Variants in SERGEF observed in about 807,000 individuals in gnomAD.
SERGEF encodes the protein secretion regulating guanine nucleotide exchange factor, also known as secretion-regulating guanine nucleotide exchange factor.
SERGEF carries 51 observed loss-of-function variants against 50.0 expected under a neutral mutation model. That is an observed-to-expected ratio of 1.02 (90% CI 0.81 to 1.29). SERGEF has a LOEUF of 1.29. SERGEF is among the 50% of genes most tolerant of loss of function. The pLI is 0.00. For missense variants in SERGEF, 521 were observed against 557.0 expected, an observed-to-expected ratio of 0.94 and a Z score of 0.65; for synonymous variants, 205 against 212.4, an observed-to-expected ratio of 0.97 and a Z score of 0.30.
chr11:17,975,172 G>A (rs1483499961), intron 8 of SERGEF, among the ~76,000 whole-genome samples: 1 of 152,210 alleles, frequency 6.6e-6, no homozygotes, highest in South Asian at 2.1e-4. Flanking sequence ...AATTCACATT[G>A]AGCGAAGCAA....
intron 10 of SERGEF, among the ~76,000 whole-genome samples, chr11:17,826,193 ATGC>A (rs1445028670): frequency 1.3e-5 from 2 of 152,258 alleles, no homozygotes; most frequent in Non-Finnish European, 2.9e-5. Context: ...CATAAGGTAG[ATGC>A]TATTCAAGAA....
chr11:18,004,298 G>T lies in SERGEF; in HGVS notation c.447+143C>A, dbSNP rs571731323. ...TTACCTCCCAACTTAATTTTTCCCA[G>T]AAGGACCTATTTTTCAACTCAAATT... On this transcript the variant is annotated intron_variant, in intron 4 of 10. Coordinates refer to ENST00000265965, the MANE Select transcript of SERGEF (RefSeq NM_012139.4). 5 of 549,762 alleles carry T rather than the reference G, an allele frequency of 9.1e-6. No individual in the cohort carries two copies. In the East Asian group the frequency reaches 1.2e-4, roughly 13 times the overall value. The allele number at this position is 549,762 out of a possible 1,614,324, so 34.1% of individuals were successfully genotyped here. A position where few individuals can be genotyped will look rare whatever the true frequency, so the allele number is the denominator to read the frequency against.
At chr11:17,894,980 G>C (rs1449370350) in intron 9 of SERGEF, among the ~76,000 whole-genome samples, 1 of 152,122 alleles carries the variant, frequency 6.6e-6, no homozygotes, top group African/African-American at 2.4e-5. Flanking sequence ...TAGTGTATGG[G>C]GAAAGGCAGC....
At chr11:17,804,536 G>A (rs79018844) in intron 10 of SERGEF, among the ~76,000 whole-genome samples, 2,889 of 149,692 alleles carry the variant, frequency 0.019, 86 homozygotes, top group African/African-American at 0.066. Flanking sequence ...CCTTCTTTAC[G>A]CCAAGTATTT....
intron 10 of SERGEF, among the ~76,000 whole-genome samples, chr11:17,794,945 G>A (rs1016296131): frequency 6.6e-6 from 1 of 152,232 alleles, no homozygotes; most frequent in African/African-American, 2.4e-5. Flanking sequence ...CCTGAGCCCT[G>A]TGAGCGCTGG....
At chr11:17,938,039 C>T (rs1003967059) in intron 9 of SERGEF, among the ~76,000 whole-genome samples, 1 of 152,184 alleles carries the variant, frequency 6.6e-6, no homozygotes, top group South Asian at 2.1e-4. Context: ...ACCAGCTTGG[C>T]CACTATGCCA....
intron 9 of SERGEF, among the ~76,000 whole-genome samples, chr11:17,938,498 A>G (rs1031228358): frequency 9.2e-5 from 14 of 152,136 alleles, no homozygotes; most frequent in Admixed American, 3.9e-4. Context: ...CATGTGTTAC[A>G]TTACAGAATC....
chr11:17,954,780 T>G (rs1852833454), intron 9 of SERGEF, among the ~76,000 whole-genome samples: 1 of 152,228 alleles, frequency 6.6e-6, no homozygotes, highest in African/African-American at 2.4e-5. Context: ...ACCAGGAACA[T>G]GACTCAGGAC....
intron 10 of SERGEF, among the ~76,000 whole-genome samples, chr11:17,801,581 G>A (rs1218436276): frequency 6.6e-6 from 1 of 152,204 alleles, no homozygotes; most frequent in Admixed American, 6.5e-5. Context: ...GGATGGTAGT[G>A]CTATTTATGA....
intron 10 of SERGEF, among the ~76,000 whole-genome samples, chr11:17,849,099 T>A (rs550908763): frequency 6.6e-6 from 1 of 152,294 alleles, no homozygotes; most frequent in South Asian, 2.1e-4. Flanking sequence ...TGTACATGCA[T>A]AGGAGATGTG....
chr11:17,863,866 C>T (rs1051129586), intron 10 of SERGEF, among the ~76,000 whole-genome samples: 4 of 152,152 alleles, frequency 2.6e-5, no homozygotes, highest in African/African-American at 9.7e-5. Context: ...GCATGCATGG[C>T]AAGTATAGAT....
intron 10 of SERGEF, among the ~76,000 whole-genome samples, chr11:17,817,096 C>T (rs1334603038): frequency 2.0e-5 from 3 of 152,132 alleles, no homozygotes; most frequent in Non-Finnish European, 2.9e-5. Context: ...CATGTTTACA[C>T]AGCTGCTAGG....
chr11:17,873,661 T>TGGAGGAGGAGGAGGA (rs145195114), intron 10 of SERGEF, among the ~76,000 whole-genome samples: 21 of 148,248 alleles, frequency 1.4e-4, no homozygotes, highest in Middle Eastern at 3.5e-3. Flanking sequence ...TGGCTCTGCT[T>TGGAGGAGGAGGAGGA]GGAGGAGGAG....
intron 10 of SERGEF, among the ~76,000 whole-genome samples, chr11:17,808,292 AG>A (rs1270099383): frequency 6.6e-6 from 1 of 152,226 alleles, no homozygotes; most frequent in African/African-American, 2.4e-5. Flanking sequence ...ACAGTTCTGC[AG>A]GCTCTACAGG....
At chr11:17,827,405 A>G (rs1340325601) in intron 10 of SERGEF, among the ~76,000 whole-genome samples, 1 of 152,236 alleles carries the variant, frequency 6.6e-6, no homozygotes, top group East Asian at 1.9e-4. Context: ...TTCTCCCCAC[A>G]GTGTAGTCAC....
At chr11:17,802,551 T>C (rs941830714) in intron 10 of SERGEF, among the ~76,000 whole-genome samples, 5 of 152,204 alleles carry the variant, frequency 3.3e-5, no homozygotes, top group African/African-American at 9.6e-5. Context: ...TAAGGTCCTA[T>C]ACCATCTGAT....
chr11:17,993,720 T>A (rs1853769431), intron 6 of SERGEF, among the ~76,000 whole-genome samples: 1 of 152,184 alleles, frequency 6.6e-6, no homozygotes, highest in African/African-American at 2.4e-5. Flanking sequence ...TCAAGTGTCC[T>A]CTGGAATGAT....
At position 18,007,933 on chromosome 11, in the gene SERGEF, G is replaced by A. The variant is rs909933912; in HGVS notation, c.196+8C>T. ...AATGAGTGACTATCTACTTTTGAAG[G>A]AAATTACCTGTGACAACTGCAGAGT... On this transcript the variant is annotated splice_region_variant and intron_variant, in intron 2 of 10. Coordinates refer to ENST00000265965, the MANE Select transcript of SERGEF (RefSeq NM_012139.4). 4 of 1,608,876 alleles carry A rather than the reference G, an allele frequency of 2.5e-6. No homozygotes were observed. In the African/African-American group the frequency reaches 4.0e-5, roughly 16 times the overall value.
rs569792800 is a variant in SERGEF at position 17,793,312 on chromosome 11, G to GA, written c.1049-4900dup. On this transcript the variant is annotated intron_variant, in intron 10 of 10. Coordinates refer to ENST00000265965, the MANE Select transcript of SERGEF (RefSeq NM_012139.4). ...CCAAACACTTTAAACAAGCCTATAG[G>GA]AAAAAAAAAGCCAGGATGCTGAACT... Among the ~76,000 whole-genome samples, 42 of 151,222 alleles carry GA rather than the reference G, an allele frequency of 2.8e-4. 1 individual carries two copies. In the Middle Eastern group the frequency reaches 0.01, roughly 37 times the overall value.
Sources: allele counts gnomAD v4.1 joint callset (sites outside exome capture counted in the v4.1 genomes callset), GRCh38; gene constraint gnomAD v4.1.1; transcripts MANE v1.5; gene names NCBI Gene and HGNC (gene_info 2026-07-23, HGNC 2026-07-21).